LRRC28: variants seen among roughly 807,000 people sequenced by gnomAD.
LRRC28 encodes the protein leucine rich repeat containing 28.
In LRRC28, 39 loss-of-function variants were observed where a neutral mutation model predicts 45.7. The observed-to-expected ratio is 0.85, with a 90% CI of 0.66 to 1.12. LRRC28 has a LOEUF of 1.12. Ranked by LOEUF, LRRC28 falls within the 50% of genes most tolerant of loss-of-function variation. LRRC28 has a pLI of 0.00. For synonymous variants in LRRC28, 206 were observed against 178.8 expected, an observed-to-expected ratio of 1.15 and a Z score of -1.22; for missense variants, 435 against 438.5, an observed-to-expected ratio of 0.99 and a Z score of 0.07.
chr15:99,255,904 A>T lies in LRRC28; in HGVS notation c.-54A>T. ...TTTCTCGTTCTCTTTATAGAAATGG[A>T]CCAATTTTGACAAGATATAGTGCTG... On this transcript the variant is annotated 5_prime_UTR_variant, in exon 2 of 10. Coordinates refer to ENST00000301981, the MANE Select transcript of LRRC28 (RefSeq NM_144598.5). The T allele has an allele frequency of 6.6e-7, 1 of 1,523,874 alleles. No individual in the cohort carries two copies. Among genetic ancestry groups the T allele is most frequent in the East Asian group, 2.3e-5 (1 of 43,104 alleles). The allele number at this position is 1,523,874 out of a possible 1,614,324, so 94.4% of individuals were successfully genotyped here. A position where few individuals can be genotyped will look rare whatever the true frequency, so the allele number is the denominator to read the frequency against.
At chr15:99,300,149 G>C (rs1406189945) in intron 5 of LRRC28, among the ~76,000 whole-genome samples, 1 of 151,796 alleles carries the variant, frequency 6.6e-6, no homozygotes, top group Non-Finnish European at 1.5e-5. Flanking sequence ...AGGTTTTGTG[G>C]AAGTCATGTT....
At chr15:99,273,524 A>C (rs1377576820) in intron 2 of LRRC28, among the ~76,000 whole-genome samples, 2 of 151,732 alleles carry the variant, frequency 1.3e-5, no homozygotes. Flanking sequence ...GGCGTGAGCC[A>C]CCGTGCCCGG....
intron 2 of LRRC28, among the ~76,000 whole-genome samples, chr15:99,274,708 G>A (rs2152168670): frequency 1.3e-5 from 2 of 152,296 alleles, no homozygotes; most frequent in South Asian, 4.1e-4. Context: ...CTATTGACAT[G>A]ATTGTTTTTC....
chr15:99,317,333 G>A (rs142088176), intron 5 of LRRC28: 14 of 152,234 alleles, frequency 9.2e-5, no homozygotes, highest in African/African-American at 2.2e-4. Context: ...AAAAGTGTGC[G>A]GTGGCCAAAT....
At chr15:99,311,495 A>G (rs982528933) in intron 5 of LRRC28, among the ~76,000 whole-genome samples, 4 of 152,130 alleles carry the variant, frequency 2.6e-5, no homozygotes, top group African/African-American at 7.2e-5. Flanking sequence ...TTGATTTTCA[A>G]TTTAATTCTG....
chr15:99,259,696 C>G, intron 2 of LRRC28: 2 of 1,386,790 alleles, frequency 1.4e-6, no homozygotes, highest in Non-Finnish European at 2.1e-6. Flanking sequence ...ATCCGCTGAT[C>G]AGAGACATGC....
Position 99,264,100 on chromosome 15 carries a change from G to T in LRRC28, c.168+7975G>T, listed in dbSNP as rs188217579. On this transcript the variant is annotated intron_variant, in intron 2 of 9. Coordinates refer to ENST00000301981, the MANE Select transcript of LRRC28 (RefSeq NM_144598.5). ...CAGAAGGGTGCTGCTCATAGGCCTA[G>T]CCACCATGAGAACACACAGAACAAA... 8.5e-5 allele frequency among the ~76,000 whole-genome samples: 13 copies of T among 152,330 alleles called. No homozygotes were observed. In the East Asian group the frequency reaches 1.5e-3, roughly 18 times the overall value.
intron 7 of LRRC28, 136 bp from the exon 8 acceptor site, chr15:99,361,200 G>A: frequency 1.8e-6 from 2 of 1,086,314 alleles, no homozygotes; most frequent in Admixed American, 5.9e-5. Context: ...GATAGCATCT[G>A]TTCACTTTGA....
chr15:99,360,777 G>A (rs896830371), intron 7 of LRRC28, among the ~76,000 whole-genome samples: 9 of 152,328 alleles, frequency 5.9e-5, no homozygotes, highest in African/African-American at 2.2e-4. Flanking sequence ...CTGCCTTCTG[G>A]TTATGAGTGG....
At chr15:99,293,632 A>AAAAAAAAAAAAAAAAAAAAT in intron 5 of LRRC28, among the ~76,000 whole-genome samples, 1 of 142,134 alleles carries the variant, frequency 7.0e-6, no homozygotes, top group Non-Finnish European at 1.5e-5. Context: ...AAAAAAAAAA[A>AAAAAAAAAAAAAAAAAAAAT]ACCTAAACAA....
chr15:99,256,691 AT>A (rs2081031855), intron 2 of LRRC28, among the ~76,000 whole-genome samples: 1 of 152,212 alleles, frequency 6.6e-6, no homozygotes, highest in East Asian at 1.9e-4. Flanking sequence ...TTTGGAAAAA[AT>A]TTTGCCACAA....
In LRRC28 at chr15:99,386,254, A is replaced by C; in HGVS notation, c.*152A>C. ...TGAGCTTCAGAGCTAAAATGCCTTC[A>C]CCCTTCCCCCAAGTTGGAATATATC... On this transcript the variant is annotated 3_prime_UTR_variant, in exon 10 of 10. Coordinates refer to ENST00000301981, the MANE Select transcript of LRRC28 (RefSeq NM_144598.5). The C allele has an allele frequency of 1.6e-6, 1 of 623,390 alleles. No individual in the cohort carries two copies. Among genetic ancestry groups the C allele is most frequent in the Non-Finnish European group, 2.8e-6 (1 of 351,156 alleles). The allele number at this position is 623,390 out of a possible 1,614,324, so 38.6% of individuals were successfully genotyped here.
At chr15:99,320,804 G>GT (rs1171783318) in intron 5 of LRRC28, 2 of 152,246 alleles carry the variant, frequency 1.3e-5, no homozygotes, top group African/African-American at 4.8e-5. Flanking sequence ...TGAAAATGAT[G>GT]TAATAGTTAA....
chr15:99,328,737 G>C (rs1271757524), intron 5 of LRRC28, among the ~76,000 whole-genome samples: 1 of 149,440 alleles, frequency 6.7e-6, no homozygotes, highest in Non-Finnish European at 1.5e-5. Flanking sequence ...GAATTGGTCT[G>C]TGTCTCAGAG....
intron 5 of LRRC28, among the ~76,000 whole-genome samples, chr15:99,303,960 ATTG>A (rs1419951909): frequency 1.3e-5 from 2 of 152,220 alleles, no homozygotes; most frequent in African/African-American, 4.8e-5. Flanking sequence ...AATTGTTTAC[ATTG>A]TTATCAGTTA....
At chr15:99,288,050 A>T in intron 5 of LRRC28, 99 bp downstream of exon 5, 1 of 1,193,192 alleles carries the variant, frequency 8.4e-7, no homozygotes, top group Non-Finnish European at 1.1e-6. Context: ...AGATGTATTT[A>T]TAAGTATTTG....
At chr15:99,332,378 G>A (rs1956189164) in intron 5 of LRRC28, among the ~76,000 whole-genome samples, 1 of 152,172 alleles carries the variant, frequency 6.6e-6, no homozygotes, top group African/African-American at 2.4e-5. Flanking sequence ...AGGAAATTGA[G>A]CAGTAACGTA....
chr15:99,271,405 A>G (rs572803505), intron 2 of LRRC28, among the ~76,000 whole-genome samples: 101 of 151,760 alleles, frequency 6.7e-4, no homozygotes, highest in Non-Finnish European at 1.2e-3. Context: ...CAGCCTCCCA[A>G]ATAGCTAGGA....
intron 2 of LRRC28, among the ~76,000 whole-genome samples, chr15:99,264,728 C>T (rs1567606102): frequency 1.3e-5 from 2 of 152,136 alleles, no homozygotes; most frequent in African/African-American, 2.4e-5. Flanking sequence ...TCTATTCTTC[C>T]CTTTTCTTTT....
Sources: allele counts gnomAD v4.1 joint callset (sites outside exome capture counted in the v4.1 genomes callset), GRCh38; gene constraint gnomAD v4.1.1; transcripts MANE v1.5; gene names NCBI Gene and HGNC (gene_info 2026-07-23, HGNC 2026-07-21).